Variants in HAO1 observed in about 807,000 individuals in gnomAD.
The protein encoded by HAO1 is 2-Hydroxyacid oxidase 1.
Under a neutral mutation model 39.7 loss-of-function variants are expected in HAO1, and 34 were observed. That is an observed-to-expected ratio of 0.86 (90% confidence interval 0.65 to 1.14). The LOEUF is 1.14. Among genes scored for constraint, HAO1 ranks in the 50% most tolerant of loss-of-function variants. The pLI is 0.00. For missense variants in HAO1, 479 were observed against 464.5 expected (o/e 1.03, Z -0.29); for synonymous variants, 172 against 173.2 (o/e 0.99, Z 0.05).
intron 3 of HAO1, 68 bp downstream of exon 3, chr20:7,914,096 C>T (rs2050294222): frequency 2.5e-6 from 4 of 1,569,648 alleles, no homozygotes; most frequent in South Asian, 2.2e-5. Flanking sequence ...ATCAGTAGAA[C>T]CCAGACCCTA....
chr20:7,927,154 G>A (rs771683569), intron 2 of HAO1, among the ~76,000 whole-genome samples: 1 of 152,028 alleles, frequency 6.6e-6, no homozygotes, highest in Admixed American at 6.6e-5. Flanking sequence ...GGTTTCCATG[G>A]CAATGTTCTT....
chr20:7,885,698 C>A lies in HAO1; in HGVS notation c.972+8G>T. 6.2e-7 allele frequency: 1 copy of A among 1,608,454 alleles called. No homozygotes were observed. Among genetic ancestry groups the A allele is most frequent in the Non-Finnish European group, 8.5e-7 (1 of 1,175,820 alleles). On this transcript the variant is annotated splice_region_variant and intron_variant, in intron 6 of 7. Coordinates refer to ENST00000378789, the MANE Select transcript of HAO1 (RefSeq NM_017545.3). ...CTATTTTATATATTCATTTCTTTGT[C>A]CAGTTACCTGGAAAGCTAAGCCCCA...
intron 1 of HAO1, among the ~76,000 whole-genome samples, chr20:7,939,332 AC>A (rs2050429591): frequency 6.6e-6 from 1 of 152,170 alleles, no homozygotes; most frequent in African/African-American, 2.4e-5. Context: ...AGTGCTGCCT[AC>A]CAGAGACCAC....
At chr20:7,927,612 T>C (rs2050365685) in intron 2 of HAO1, among the ~76,000 whole-genome samples, 1 of 152,208 alleles carries the variant, frequency 6.6e-6, no homozygotes, top group Non-Finnish European at 1.5e-5. Context: ...ATTTTATCTT[T>C]TGTTTGATTG....
chr20:7,891,021 T>A (rs186382241), intron 5 of HAO1, among the ~76,000 whole-genome samples: 1 of 152,344 alleles, frequency 6.6e-6, no homozygotes, highest in East Asian at 1.9e-4. Context: ...TGTGCAAGTA[T>A]CTTTTTCGAA....
chr20:7,917,357 A>G (rs1748599814), intron 2 of HAO1, among the ~76,000 whole-genome samples: 1 of 151,644 alleles, frequency 6.6e-6, no homozygotes. Context: ...AAAAAAAAAA[A>G]AAAGTCCTGA....
chr20:7,938,705 A>G lies in HAO1; in HGVS notation c.137+1581T>C, dbSNP rs1336279980. ...GCCAACTATTTTGGGCCCATTTTGCATCAATTCAACCCAACAGCATTATGG... is the reference window on the plus strand; with the variant it reads ...GCCAACTATTTTGGGCCCATTTTGCGTCAATTCAACCCAACAGCATTATGG... On this transcript the variant is annotated intron_variant, in intron 1 of 7. Transcript: ENST00000378789. 2.0e-5 allele frequency among the ~76,000 whole-genome samples: 3 copies of G among 152,102 alleles called. No individual in the cohort carries two copies. The East Asian group carries it at 5.8e-4, about 29-fold the overall frequency.
intron 4 of HAO1, among the ~76,000 whole-genome samples, chr20:7,896,291 A>C (rs959809231): frequency 2.6e-5 from 4 of 152,182 alleles, no homozygotes; most frequent in South Asian, 2.1e-4. Context: ...CAGGTTTAAC[A>C]TTCAAAATGC....
chr20:7,907,351 A>G (rs2050253443), intron 3 of HAO1, among the ~76,000 whole-genome samples: 1 of 152,082 alleles, frequency 6.6e-6, no homozygotes, highest in African/African-American at 2.4e-5. Context: ...TGAAGTGTAA[A>G]TACCCCAGCT....
intron 2 of HAO1, among the ~76,000 whole-genome samples, chr20:7,928,837 CCAAA>C (rs2122793922): frequency 6.6e-6 from 1 of 152,220 alleles, no homozygotes; most frequent in East Asian, 1.9e-4. Flanking sequence ...CATTGTTGCC[CCAAA>C]CAGTGTTTTA....
At position 7,885,564 on chromosome 20, in the gene HAO1, G is replaced by A. The variant is rs772150004; in HGVS notation, c.999C>T (p.Leu333=). ...ACCGGAATTCTTCCTTTAGTATCTC[G>A]AGGACATCTTGAACACCTTTCTCCC... is the stretch of plus-strand genomic sequence containing the variant. ...FQGEKGVQDV[L]EILKEEFRLA... Residue 333 remains leucine, a synonymous_variant, in exon 7 of 8, where the codon CTC becomes CTT. Transcript: ENST00000378789. 22 of 1,611,628 alleles carry A rather than the reference G, an allele frequency of 1.4e-5. No homozygotes were observed. The highest frequency in any genetic ancestry group is 4.4e-5 in the South Asian group (4 of 91,030).
At chr20:7,936,548 T>TGTGTGTGTGTGTTCG (rs1555775557) in intron 1 of HAO1, among the ~76,000 whole-genome samples, 2 of 50,720 alleles carry the variant, frequency 3.9e-5, no homozygotes, top group Middle Eastern at 0.014. Flanking sequence ...GTGTGTGTGT[T>TGTGTGTGTGTGTTCG]CGCGCGCGCG....
intron 2 of HAO1, among the ~76,000 whole-genome samples, chr20:7,925,567 C>T (rs1037873334): frequency 1.3e-5 from 2 of 152,122 alleles, no homozygotes; most frequent in African/African-American, 4.8e-5. Flanking sequence ...TTGTCAAGTC[C>T]TGGCATAAAT....
At chr20:7,903,425 T>C (rs1426493066) in intron 4 of HAO1, among the ~76,000 whole-genome samples, 2 of 151,810 alleles carry the variant, frequency 1.3e-5, no homozygotes, top group Non-Finnish European at 2.9e-5. Flanking sequence ...CAGAAATCCA[T>C]ATGGATGAGA....
intron 2 of HAO1, among the ~76,000 whole-genome samples, chr20:7,932,417 C>G (rs566791346): frequency 3.2e-4 from 49 of 152,246 alleles, no homozygotes; most frequent in African/African-American, 1.2e-3. Flanking sequence ...TCTTCATGGT[C>G]CCTTGTCCCT....
Position 7,885,748 on chromosome 20 carries a change from A to C in HAO1, c.930T>G (p.Ala310=). The C allele has an allele frequency of 6.2e-7, 1 of 1,613,782 alleles. No individual in the cohort carries two copies. Among genetic ancestry groups the C allele is most frequent in the Non-Finnish European group, 8.5e-7 (1 of 1,179,732 alleles). Residue 310 remains alanine (A), a synonymous_variant, in exon 6 of 8, where the codon GCT becomes GCG. Coordinates refer to ENST00000378789, the MANE Select transcript of HAO1 (RefSeq NM_017545.3). ...VLKALALGAK[A]VFVGRPIVWG... is the part of the protein sequence containing the mutation. The stretch of plus-strand genomic sequence containing the variant: ...AAACGATTGGTCTCCCCACAAACAC[A>C]GCCTTGGCGCCAAGAGCCAGAGCTT...
intron 2 of HAO1, among the ~76,000 whole-genome samples, chr20:7,914,714 T>C (rs1416079419): frequency 1.3e-5 from 2 of 152,156 alleles, no homozygotes; most frequent in East Asian, 1.9e-4. Context: ...AATCCAATAG[T>C]CAAAGGTGTC....
At chr20:7,923,909 C>A (rs1200369945) in intron 2 of HAO1, among the ~76,000 whole-genome samples, 1 of 152,074 alleles carries the variant, frequency 6.6e-6, no homozygotes, top group East Asian at 1.9e-4. Flanking sequence ...ATGTCCTGAG[C>A]AAAGTTGGGG....
At chr20:7,905,597 A>T (rs2050244076) in intron 4 of HAO1, among the ~76,000 whole-genome samples, 1 of 152,178 alleles carries the variant, frequency 6.6e-6, no homozygotes, top group Non-Finnish European at 1.5e-5. Context: ...GGGATGCTGG[A>T]GGAAATAGTT....
Sources: gnomAD v4.1 joint callset for allele counts (sites outside exome capture counted in the v4.1 genomes callset) on GRCh38, gnomAD v4.1.1 for gene constraint, MANE v1.5 for transcripts, NCBI Gene and HGNC (gene_info 2026-07-23, HGNC 2026-07-21) for gene names.